STARD13: variants seen among roughly 807,000 people sequenced by gnomAD.
The protein encoded by STARD13 is stAR-related lipid transfer protein 13.
A neutral mutation model predicts 106.4 loss-of-function variants in STARD13; 62 were observed. The ratio of observed to expected loss-of-function variants is 0.58; its 90% CI spans 0.48 to 0.72. The LOEUF is 0.72. STARD13 is among the 30% of genes least tolerant of loss of function. The probability of loss-of-function intolerance (pLI) is 0.00; values close to 1 mark genes in which losing one functional copy is unlikely to be tolerated. For synonymous variants in STARD13, 565 were observed against 553.0 expected, an observed-to-expected ratio of 1.02 and a Z score of -0.31; for missense variants, 1,387 against 1,424.0, an observed-to-expected ratio of 0.97 and a Z score of 0.42.
chr13:33,473,564 T>C, the STARD13 span, among the ~76,000 whole-genome samples: 2 of 152,190 alleles, frequency 1.3e-5, no homozygotes, highest in African/African-American at 2.4e-5. Context: ...ATTGGCTTTC[T>C]GTGTATATAG....
chr13:33,531,322 G>A, the STARD13 span, among the ~76,000 whole-genome samples: 1 of 152,110 alleles, frequency 6.6e-6, no homozygotes, highest in Non-Finnish European at 1.5e-5. Flanking sequence ...TGCTCTAAAG[G>A]CAATCAGCTC....
At chr13:33,220,470 A>T (rs1384157911) in intron 1 of STARD13, among the ~76,000 whole-genome samples, 1 of 152,144 alleles carries the variant, frequency 6.6e-6, no homozygotes, top group Non-Finnish European at 1.5e-5. Context: ...AGGCAGGTGG[A>T]TCATGAGGTC....
chr13:33,391,774 A>G, the STARD13 span, among the ~76,000 whole-genome samples: 1 of 152,052 alleles, frequency 6.6e-6, no homozygotes, highest in Non-Finnish European at 1.5e-5. Flanking sequence ...CTCTCGAGCA[A>G]TCTCTCAGTG....
the STARD13 span, among the ~76,000 whole-genome samples, chr13:33,649,880 TA>T: frequency 1.3e-5 from 2 of 152,132 alleles, no homozygotes; most frequent in East Asian, 3.8e-4. Context: ...CCCCAATTAA[TA>T]AAAAATAAAA....
chr13:33,230,836 G>A (rs1463893853), intron 1 of STARD13, among the ~76,000 whole-genome samples: 1 of 152,250 alleles, frequency 6.6e-6, no homozygotes, highest in Non-Finnish European at 1.5e-5. Context: ...AGGCACTGAG[G>A]AGGATGGAAG....
At chr13:33,152,897 A>G (rs902566024) in intron 3 of STARD13, among the ~76,000 whole-genome samples, 4 of 152,196 alleles carry the variant, frequency 2.6e-5, no homozygotes, top group African/African-American at 7.2e-5. Context: ...TGAGCATTAA[A>G]AAAAGGAGGG....
chr13:33,580,439 G>A, the STARD13 span, among the ~76,000 whole-genome samples: 1 of 152,190 alleles, frequency 6.6e-6, no homozygotes, highest in South Asian at 2.1e-4. Context: ...GCATTTTTAG[G>A]AAGGTGAAAC....
chr13:33,111,978 A>G (rs1339753498), intron 9 of STARD13, 86 bp from the exon 10 acceptor site: 1 of 810,872 alleles, frequency 1.2e-6, no homozygotes, highest in South Asian at 1.4e-5. Flanking sequence ...TTTTCTGTTT[A>G]TACCCAGATG....
Position 33,129,394 on chromosome 13 carries a change from G to C in STARD13, c.1283C>G (p.Thr428Ser), listed in dbSNP as rs1180107619. ...CTCTCTGCCCAGGGAGATGCTACCGGTCCTCCAATTAACCCCATTGCTACT... is the reference window on the plus strand; with the variant it reads ...CTCTCTGCCCAGGGAGATGCTACCGCTCCTCCAATTAACCCCATTGCTACT... Reference protein sequence around the residue: ...TDSSNGVNWRTGSISLGREQV... With the variant: ...TDSSNGVNWRSGSISLGREQV... The change falls in exon 5 of 14, where the codon ACC (threonine) becomes AGC (serine). Residue 428 changes from threonine to serine, a missense_variant. Coordinates refer to ENST00000336934, the MANE Select transcript of STARD13 (RefSeq NM_178006.4). The C allele has an allele frequency of 6.2e-7, 1 of 1,614,172 alleles. No individual in the cohort carries two copies. The highest frequency in any genetic ancestry group is 2.2e-5 in the East Asian group (1 of 44,876).
intron 3 of STARD13, among the ~76,000 whole-genome samples, chr13:33,157,501 C>T (rs1278487508): frequency 6.6e-6 from 1 of 152,084 alleles, no homozygotes; most frequent in Non-Finnish European, 1.5e-5. Flanking sequence ...AACCCCATCG[C>T]TAATAAAAAT....
At chr13:33,354,579 C>A (rs753450250), upstream of STARD13, among the ~76,000 whole-genome samples, 3 of 152,150 alleles carry the variant, frequency 2.0e-5, no homozygotes, top group Non-Finnish European at 4.4e-5. Context: ...CCTCTTGTAC[C>A]TTTTTCAGTG....
chr13:33,175,268 C>A lies in STARD13; in HGVS notation c.170-7646G>T, dbSNP rs76045151. Among the ~76,000 whole-genome samples the A allele has an allele frequency of 1.6e-4, 25 of 152,258 alleles. 1 individual carries two copies. In the East Asian group the frequency reaches 4.8e-3, roughly 29 times the overall value. ...TCTCAGGGAGGCTGCATGCATACATCCCCAGCTTTTTGAAGTTGTGGAGCC... is the reference window on the plus strand; with the variant it reads ...TCTCAGGGAGGCTGCATGCATACATACCCAGCTTTTTGAAGTTGTGGAGCC... On this transcript the variant is annotated intron_variant, in intron 1 of 13. Coordinates refer to ENST00000336934, the MANE Select transcript of STARD13 (RefSeq NM_178006.4).
chr13:33,661,743 G>C, the STARD13 span, among the ~76,000 whole-genome samples: 5 of 152,054 alleles, frequency 3.3e-5, no homozygotes, highest in African/African-American at 1.2e-4. Flanking sequence ...ACCTCCACCT[G>C]GTCCTGCCCT....
chr13:33,156,735 C>T (rs187997509), intron 3 of STARD13, among the ~76,000 whole-genome samples: 3 of 152,082 alleles, frequency 2.0e-5, no homozygotes, highest in Non-Finnish European at 4.4e-5. Flanking sequence ...TACAGTGTTA[C>T]CATGAGAATT....
chr13:33,162,202 A>T (rs1882713071), intron 3 of STARD13, among the ~76,000 whole-genome samples: 1 of 152,216 alleles, frequency 6.6e-6, no homozygotes, highest in African/African-American at 2.4e-5. Flanking sequence ...AAAGTCTCAT[A>T]TGAGACAAGG....
the STARD13 span, among the ~76,000 whole-genome samples, chr13:33,373,786 G>C: frequency 6.6e-6 from 1 of 151,010 alleles, no homozygotes; most frequent in Non-Finnish European, 1.5e-5. Context: ...AAAAAACATA[G>C]AAAATAAGTG....
chr13:33,292,661 G>A (rs1050464180), intron 1 of STARD13, among the ~76,000 whole-genome samples: 46 of 151,592 alleles, frequency 3.0e-4, no homozygotes, highest in African/African-American at 1.1e-3. Context: ...TTAGTTCACA[G>A]TTTCTTAACT....
intron 1 of STARD13, among the ~76,000 whole-genome samples, chr13:33,217,267 G>T (rs1288010592): frequency 6.6e-6 from 1 of 152,164 alleles, no homozygotes; most frequent in Non-Finnish European, 1.5e-5. Context: ...CATTGTTTTT[G>T]ATGGCATGTG....
chr13:33,498,158 A>G, the STARD13 span, among the ~76,000 whole-genome samples: 1 of 152,232 alleles, frequency 6.6e-6, no homozygotes, highest in Non-Finnish European at 1.5e-5. Flanking sequence ...CAAACAGAGA[A>G]AAATAATACA....
Sources: gnomAD v4.1 joint callset for allele counts (sites outside exome capture counted in the v4.1 genomes callset) on GRCh38, gnomAD v4.1.1 for gene constraint, MANE v1.5 for transcripts, NCBI Gene and HGNC (gene_info 2026-07-23, HGNC 2026-07-21) for gene names.